The following LRMDA variants were observed in gnomAD, a reference collection of about 807,000 sequenced individuals.
The protein encoded by LRMDA is leucine rich melanocyte differentiation associated.
LRMDA carries 18 observed loss-of-function variants against 29.8 expected under a neutral mutation model. The ratio of observed to expected loss-of-function variants is 0.60; its 90% CI spans 0.42 to 0.90. The LOEUF (loss-of-function observed/expected upper bound fraction) is 0.90. Ranked by LOEUF, LRMDA falls within the 40% of genes least tolerant of loss-of-function variation. The pLI, the probability that LRMDA is intolerant of heterozygous loss-of-function variation, is 0.00. For missense variants in LRMDA, 273 were observed against 273.9 expected, an observed-to-expected ratio of 1.00 and a Z score of 0.02; for synonymous variants, 125 against 109.4, an observed-to-expected ratio of 1.14 and a Z score of -0.89.
At chr10:75,860,626 A>G (rs1030904283) in intron 2 of LRMDA, among the ~76,000 whole-genome samples, 10 of 152,122 alleles carry the variant, frequency 6.6e-5, no homozygotes, top group Non-Finnish European at 1.2e-4. Context: ...CTGGCACATT[A>G]TGATGTTTCT....
chr10:76,103,491 G>A (rs1440791796), intron 5 of LRMDA, among the ~76,000 whole-genome samples: 1 of 152,164 alleles, frequency 6.6e-6, no homozygotes, highest in Admixed American at 6.5e-5. Context: ...GGCATTTCCA[G>A]CAGGGGGTTC....
At chr10:75,466,667 G>A (rs1844654320) in intron 2 of LRMDA, among the ~76,000 whole-genome samples, 1 of 152,112 alleles carries the variant, frequency 6.6e-6, no homozygotes, top group South Asian at 2.1e-4. Context: ...GGATAGGTGA[G>A]GCTGTGCCCT....
At chr10:76,038,744 G>A (rs559667123) in intron 3 of LRMDA, among the ~76,000 whole-genome samples, 1 of 151,984 alleles carries the variant, frequency 6.6e-6, no homozygotes, top group African/African-American at 2.4e-5. Flanking sequence ...GTTCCATATT[G>A]TTATTGCCAC....
chr10:76,503,336 T>G (rs1842930034), intron 6 of LRMDA, among the ~76,000 whole-genome samples: 1 of 151,896 alleles, frequency 6.6e-6, no homozygotes, highest in African/African-American at 2.4e-5. Flanking sequence ...GCTGACATTG[T>G]AGAATGAGTA....
intron 2 of LRMDA, among the ~76,000 whole-genome samples, chr10:75,980,282 C>A (rs546570107): frequency 3.3e-5 from 5 of 152,220 alleles, no homozygotes; most frequent in Non-Finnish European, 4.4e-5. Flanking sequence ...AGATGATGAC[C>A]AAAGGGATCA....
intron 5 of LRMDA, among the ~76,000 whole-genome samples, chr10:76,171,376 TG>T (rs1402347027): frequency 6.6e-6 from 1 of 152,190 alleles, no homozygotes; most frequent in Non-Finnish European, 1.5e-5. Context: ...TGAACTCAGT[TG>T]ACACACCCGC....
chr10:76,116,981 CT>C (rs1849678155), intron 5 of LRMDA, among the ~76,000 whole-genome samples: 1 of 152,104 alleles, frequency 6.6e-6, no homozygotes, highest in African/African-American at 2.4e-5. Context: ...AACTCTTGCT[CT>C]TATGTTCACA....
chr10:75,766,491 TG>T (rs1843169941), intron 2 of LRMDA, among the ~76,000 whole-genome samples: 1 of 152,196 alleles, frequency 6.6e-6, no homozygotes, highest in Non-Finnish European at 1.5e-5. Context: ...TCCACTGAGG[TG>T]GGCAATGAGA....
At chr10:75,573,414 A>G (rs1276467454) in intron 2 of LRMDA, among the ~76,000 whole-genome samples, 3 of 152,080 alleles carry the variant, frequency 2.0e-5, no homozygotes, top group East Asian at 1.9e-4. Context: ...TGGAATTCCT[A>G]TTAGAATGTG....
At chr10:75,741,333 G>A (rs1389469444) in intron 2 of LRMDA, among the ~76,000 whole-genome samples, 4 of 151,882 alleles carry the variant, frequency 2.6e-5, no homozygotes, top group African/African-American at 4.8e-5. Flanking sequence ...CCACATGCCC[G>A]CCTCCATCTC....
chr10:75,677,060 CA>C (rs1042413884), intron 2 of LRMDA, among the ~76,000 whole-genome samples: 6 of 151,846 alleles, frequency 4.0e-5, no homozygotes, highest in Admixed American at 1.3e-4. Context: ...TGAGGAACAC[CA>C]AAAAAAGTGC....
At chr10:76,153,745 A>G (rs1850489179) in intron 5 of LRMDA, among the ~76,000 whole-genome samples, 1 of 152,196 alleles carries the variant, frequency 6.6e-6, no homozygotes, top group South Asian at 2.1e-4. Context: ...CATTCCCTTC[A>G]TTAGGGGTGC....
chr10:75,443,300 A>G (rs1428692304), intron 2 of LRMDA, among the ~76,000 whole-genome samples: 1 of 151,962 alleles, frequency 6.6e-6, no homozygotes, highest in East Asian at 1.9e-4. Context: ...AAAGTTTTCA[A>G]TTTGTTTCTG....
chr10:76,479,523 G>A (rs1037745083), intron 6 of LRMDA, among the ~76,000 whole-genome samples: 5 of 151,802 alleles, frequency 3.3e-5, no homozygotes, highest in Non-Finnish European at 7.4e-5. Context: ...AGTGAGAAGG[G>A]GCTAGGGAGC....
intron 5 of LRMDA, among the ~76,000 whole-genome samples, chr10:76,255,556 TA>T (rs1852578063): frequency 6.6e-6 from 1 of 152,182 alleles, no homozygotes; most frequent in Non-Finnish European, 1.5e-5. Flanking sequence ...CCAGGATAGA[TA>T]AAAAGCAACT....
At chr10:76,298,009 A>G (rs1224246489) in intron 5 of LRMDA, among the ~76,000 whole-genome samples, 2 of 152,238 alleles carry the variant, frequency 1.3e-5, no homozygotes, top group Non-Finnish European at 2.9e-5. Context: ...GGTATGAGCC[A>G]TTAACTGCCT....
At chr10:76,398,989 A>T (rs1841819363) in intron 6 of LRMDA, among the ~76,000 whole-genome samples, 2 of 152,184 alleles carry the variant, frequency 1.3e-5, no homozygotes, top group South Asian at 4.1e-4. Context: ...GACTTTGTGC[A>T]TGAAAATCTA....
chr10:75,564,710 C>T (rs909516078), intron 2 of LRMDA, among the ~76,000 whole-genome samples: 12 of 152,206 alleles, frequency 7.9e-5, no homozygotes, highest in African/African-American at 2.9e-4. Context: ...TAAAATAAAC[C>T]TGTTGTCTTG....
chr10:75,845,750 C>T (rs1379787197), intron 2 of LRMDA, among the ~76,000 whole-genome samples: 1 of 152,076 alleles, frequency 6.6e-6, no homozygotes. Flanking sequence ...ACAGGGAGAT[C>T]GGCTTTGTTG....
Sources: gnomAD v4.1 joint callset for allele counts (sites outside exome capture counted in the v4.1 genomes callset) on GRCh38, gnomAD v4.1.1 for gene constraint, MANE v1.5 for transcripts, NCBI Gene and HGNC (gene_info 2026-07-23, HGNC 2026-07-21) for gene names.